TANK: variants seen among roughly 807,000 people sequenced by gnomAD.
TANK encodes TRAF family member associated NFKB activator, also known as TRAF family member-associated NF-kappa-B activator.
In TANK, 15 loss-of-function variants were observed where a neutral mutation model predicts 43.6. The observed-to-expected ratio is 0.34, with a 90% confidence interval of 0.23 to 0.53. TANK has a LOEUF of 0.53. TANK is among the 20% of genes least tolerant of loss of function. TANK has a pLI of 0.94. For synonymous variants in TANK, 162 were observed against 178.2 expected, an observed-to-expected ratio of 0.91 and a Z score of 0.73; for missense variants, 417 against 498.6, an observed-to-expected ratio of 0.84 and a Z score of 1.56.
chr2:161,198,290 T>C (rs568242554), intron 2 of TANK, among the ~76,000 whole-genome samples: 6 of 152,236 alleles, frequency 3.9e-5, no homozygotes, highest in African/African-American at 1.4e-4. Context: ...CCCTGAAGCT[T>C]GGGTGTAGTC....
At chr2:161,177,911 A>C (rs143117650) in intron 1 of TANK, among the ~76,000 whole-genome samples, 1,649 of 152,262 alleles carry the variant, frequency 0.011, 38 homozygotes, top group African/African-American at 0.038. Flanking sequence ...ATGGCCAATA[A>C]GCTCATGGAA....
At chr2:161,225,230 C>T (rs1687552937) in intron 6 of TANK, among the ~76,000 whole-genome samples, 1 of 147,862 alleles carries the variant, frequency 6.8e-6, no homozygotes, top group Non-Finnish European at 1.5e-5. Flanking sequence ...TTTTAATGTT[C>T]TTTTTTTTTT....
intron 1 of TANK, among the ~76,000 whole-genome samples, chr2:161,174,410 A>G (rs1460225477): frequency 6.6e-6 from 1 of 152,156 alleles, no homozygotes; most frequent in Non-Finnish European, 1.5e-5. Context: ...CACTCTATAT[A>G]TAAAGTTTAC....
chr2:161,156,525 G>A (rs1684231421), upstream of TANK, among the ~76,000 whole-genome samples: 1 of 152,112 alleles, frequency 6.6e-6, no homozygotes, highest in Admixed American at 6.5e-5. Context: ...TTTGTATTTT[G>A]AAGACTCTCT....
At chr2:161,147,378 A>G (rs1683945164) in intron 1 of TANK, among the ~76,000 whole-genome samples, 1 of 152,176 alleles carries the variant, frequency 6.6e-6, no homozygotes, top group Admixed American at 6.5e-5. Flanking sequence ...AGCAGGCTTA[A>G]GCAGATTCTA....
In TANK at chr2:161,230,888, A is replaced by T. The variant is rs1469702841; in HGVS notation, c.521-83A>T. 5.6e-6 allele frequency: 6 copies of T among 1,065,480 alleles called. No homozygotes were observed. In the East Asian group the frequency reaches 1.5e-4, roughly 27 times the overall value. The allele number at this position is 1,065,480 out of a possible 1,614,324, so 66.0% of individuals were successfully genotyped here. Reference sequence around the variant, plus strand: ...TATAAAAACCAATAGAAAAAATAATAATAATCTCTCCAAAGCTGATTGAAC... The same window carrying T: ...TATAAAAACCAATAGAAAAAATAATTATAATCTCTCCAAAGCTGATTGAAC... On this transcript the variant is annotated intron_variant, in intron 6 of 7. Transcript: ENST00000392749.
At chr2:161,178,503 G>A (rs1685271486) in intron 1 of TANK, among the ~76,000 whole-genome samples, 1 of 151,984 alleles carries the variant, frequency 6.6e-6, no homozygotes, top group Non-Finnish European at 1.5e-5. Context: ...GGAGATGGGG[G>A]AAGAGGAGGA....
chr2:161,229,060 A>C (rs1574072089), intron 6 of TANK, among the ~76,000 whole-genome samples: 1 of 152,238 alleles, frequency 6.6e-6, no homozygotes, highest in South Asian at 2.1e-4. Flanking sequence ...AGTGTGTTTC[A>C]GTTCTCAGGG....
intron 1 of TANK, among the ~76,000 whole-genome samples, chr2:161,177,154 A>C (rs1317344707): frequency 6.6e-6 from 1 of 152,110 alleles, no homozygotes; most frequent in Non-Finnish European, 1.5e-5. Context: ...TAATTATCGT[A>C]ACAGGATTTC....
chr2:161,217,391 T>A (rs921867642), intron 4 of TANK, among the ~76,000 whole-genome samples: 1 of 152,204 alleles, frequency 6.6e-6, no homozygotes, highest in African/African-American at 2.4e-5. Flanking sequence ...CCTTCTTGGT[T>A]CTTCCAGCCA....
intron 4 of TANK, chr2:161,207,910 A>G (rs971693760): frequency 3.1e-6 from 3 of 979,896 alleles, no homozygotes; most frequent in South Asian, 4.7e-5. Flanking sequence ...TATTTTTAAT[A>G]TACTTTAATG....
intron 1 of TANK, among the ~76,000 whole-genome samples, chr2:161,165,443 T>C (rs909110997): frequency 1.3e-5 from 2 of 152,238 alleles, no homozygotes; most frequent in Admixed American, 1.3e-4. Context: ...CCATTTATTA[T>C]GTGGCATTTA....
intron 4 of TANK, among the ~76,000 whole-genome samples, chr2:161,210,684 T>C (rs1686844190): frequency 7.1e-6 from 1 of 140,236 alleles, no homozygotes. Context: ...GTGACAAGAG[T>C]GAAACTCCGT....
upstream of TANK, chr2:161,159,252 T>C (rs993064730): frequency 1.1e-4 from 16 of 152,238 alleles, no homozygotes; most frequent in African/African-American, 3.6e-4. Context: ...CACAGATATT[T>C]ATAACAGCTT....
Position 161,202,182 on chromosome 2 carries a change from CTTTTTTTTTT to C in TANK, c.100-1289_100-1280del, listed in dbSNP as rs35913723. Among the ~76,000 whole-genome samples the C allele has an allele frequency of 5.1e-5, 4 of 78,132 alleles. No homozygotes were observed. In the East Asian group the frequency reaches 1.8e-3, roughly 35 times the overall value. The allele number at this position is 78,132 out of a possible 152,430, so 51.3% of individuals were successfully genotyped here. ...AAAATGTAGTATTTAGCTCTAATTTCTTTTTTTTTTTTTTTTTTTTTTTTTGAGACAGAGT... is the reference window on the plus strand; with the variant it reads ...AAAATGTAGTATTTAGCTCTAATTTCTTTTTTTTTTTTTTTGAGACAGAGT... On this transcript the variant is annotated intron_variant, in intron 2 of 7. Transcript: ENST00000392749.
At chr2:161,204,823 T>G in intron 4 of TANK, 30 bp downstream of exon 4, 1 of 1,597,646 alleles carries the variant, frequency 6.3e-7, no homozygotes, top group Non-Finnish European at 8.5e-7. Flanking sequence ...AAAGCAGCAT[T>G]TAAATGCTGA....
chr2:161,214,221 T>C, intron 4 of TANK, among the ~76,000 whole-genome samples: 1 of 152,198 alleles, frequency 6.6e-6, no homozygotes, highest in East Asian at 1.9e-4. Context: ...TAACTTCATT[T>C]GCTTTTGAGA....
At chr2:161,144,243 T>C (rs1409703983) in intron 1 of TANK, among the ~76,000 whole-genome samples, 1 of 152,084 alleles carries the variant, frequency 6.6e-6, no homozygotes, top group African/African-American at 2.4e-5. Context: ...TTTGTAAACT[T>C]TTTCAAAAAA....
chr2:161,149,200 T>C (rs906221109), intron 1 of TANK, among the ~76,000 whole-genome samples: 2 of 152,186 alleles, frequency 1.3e-5, no homozygotes, highest in Non-Finnish European at 2.9e-5. Flanking sequence ...TCTATAACTA[T>C]TTTACCTCTT....
Sources: allele counts gnomAD v4.1 joint callset (sites outside exome capture counted in the v4.1 genomes callset), GRCh38; gene constraint gnomAD v4.1.1; transcripts MANE v1.5; gene names NCBI Gene and HGNC (gene_info 2026-07-23, HGNC 2026-07-21).